CD163L1: variants seen among roughly 807,000 people sequenced by gnomAD.
The protein encoded by CD163L1 is CD163 molecule like 1.
Under a neutral mutation model 165.4 loss-of-function variants are expected in CD163L1, and 124 were observed. That is an observed-to-expected ratio of 0.75 (90% CI 0.65 to 0.87). The LOEUF is 0.87. CD163L1 is among the 40% of genes least tolerant of loss of function. The pLI is 0.00. For missense variants in CD163L1, 1,525 were observed against 1,799.9 expected (o/e 0.85, Z 2.76); for synonymous variants, 585 against 662.2 (o/e 0.88, Z 1.79).
At chr12:7,388,497 T>G (rs1314089789) in intron 8 of CD163L1, among the ~76,000 whole-genome samples, 1 of 151,860 alleles carries the variant, frequency 6.6e-6, no homozygotes. Flanking sequence ...AATCCCAGCA[T>G]TTTGGGAGGC....
rs374425424 is a variant in CD163L1, at chr12:7,398,317, C to A, written c.1676G>T (p.Gly559Val). 8.0e-5 allele frequency: 129 copies of A among 1,614,056 alleles called. No individual in the cohort carries two copies. The highest frequency in any genetic ancestry group is 1.6e-4 in the Middle Eastern group (1 of 6,084). The change falls in exon 7 of 20, where the codon GGA (glycine) becomes GTA (valine). Residue 559 changes from glycine to valine, a missense_variant. Transcript: ENST00000313599. This position sits in a 1 kb window ranked among gnomAD's most constrained non-coding sequence, Gnocchi z 4.5. ...ESNIWDCEHSGWGKHNCVHRE... is the reference protein window; with the variant it reads ...ESNIWDCEHSVWGKHNCVHRE... The stretch of plus-strand genomic sequence containing the variant: ...GTGTACACAATTATGCTTTCCCCAT[C>A]CACTGTGTTCACAGTCCCAGATATT...
chr12:7,336,669 A>T, the CD163L1 span, among the ~76,000 whole-genome samples: 1 of 152,146 alleles, frequency 6.6e-6, no homozygotes, highest in Non-Finnish European at 1.5e-5. Flanking sequence ...AATAATAATT[A>T]AAAAAGAAAA....
chr12:7,389,387 T>C (rs1289504186), intron 8 of CD163L1, among the ~76,000 whole-genome samples: 1 of 152,166 alleles, frequency 6.6e-6, no homozygotes, highest in Non-Finnish European at 1.5e-5. Context: ...ATGCCTATTA[T>C]GTTAAGTGAA....
chr12:7,376,615 C>G (rs1258262065), intron 9 of CD163L1, among the ~76,000 whole-genome samples: 1 of 152,216 alleles, frequency 6.6e-6, no homozygotes, highest in African/African-American at 2.4e-5. Context: ...TTTCAAACAT[C>G]TATCTAAGGC....
chr12:7,413,302 G>C (rs1948174690), intron 4 of CD163L1, among the ~76,000 whole-genome samples: 1 of 152,020 alleles, frequency 6.6e-6, no homozygotes, highest in Non-Finnish European at 1.5e-5. Flanking sequence ...GGCTTTCCTA[G>C]CCTTATGGAA....
At chr12:7,371,744 A>G (rs1169389754) in intron 14 of CD163L1, among the ~76,000 whole-genome samples, 1 of 152,072 alleles carries the variant, frequency 6.6e-6, no homozygotes, top group East Asian at 1.9e-4. Context: ...GGCCAATGAC[A>G]GGGATTTGGT....
chr12:7,377,754 T>G (rs1007193316), intron 9 of CD163L1, among the ~76,000 whole-genome samples: 2 of 152,230 alleles, frequency 1.3e-5, no homozygotes, highest in Non-Finnish European at 2.9e-5. Flanking sequence ...TTTAGCGATG[T>G]GACATTCTGC....
intron 4 of CD163L1, among the ~76,000 whole-genome samples, chr12:7,421,456 C>G (rs1381885985): frequency 1.0e-5 from 1 of 100,236 alleles, no homozygotes; most frequent in Non-Finnish European, 1.9e-5. Context: ...CATATATGTA[C>G]ATATATACAT....
chr12:7,394,256 T>A (rs1947725091), intron 8 of CD163L1, among the ~76,000 whole-genome samples: 1 of 151,752 alleles, frequency 6.6e-6, no homozygotes, highest in Non-Finnish European at 1.5e-5. Flanking sequence ...TATAGACAAA[T>A]GGAACAGAAC....
chr12:7,344,325 C>T (rs1272430940), downstream of CD163L1, among the ~76,000 whole-genome samples: 31 of 152,264 alleles, frequency 2.0e-4, no homozygotes, highest in Non-Finnish European at 2.1e-4. Flanking sequence ...CAACTACATG[C>T]AATCTGCCTG....
At chr12:7,332,040 A>G in the CD163L1 span, among the ~76,000 whole-genome samples, 1 of 152,308 alleles carries the variant, frequency 6.6e-6, no homozygotes, top group East Asian at 1.9e-4. Context: ...CTTGAAAAAA[A>G]ATTAGATGAA....
At chr12:7,420,094 C>G (rs1284670450) in intron 4 of CD163L1, among the ~76,000 whole-genome samples, 3 of 151,852 alleles carry the variant, frequency 2.0e-5, no homozygotes, top group Non-Finnish European at 4.4e-5. Flanking sequence ...TAAACAAAAA[C>G]ATAAAGTGGG....
intron 18 of CD163L1, among the ~76,000 whole-genome samples, chr12:7,359,336 T>A (rs1305057106): frequency 6.6e-6 from 1 of 151,068 alleles, no homozygotes; most frequent in Non-Finnish European, 1.5e-5. Context: ...CTGCAGAAAA[T>A]CAAAGACAAA....
At chr12:7,415,974 G>A (rs1948230478) in intron 4 of CD163L1, among the ~76,000 whole-genome samples, 1 of 152,004 alleles carries the variant, frequency 6.6e-6, no homozygotes, top group Admixed American at 6.6e-5. Context: ...TGGTATTTAT[G>A]GTTCTAGATC....
intron 8 of CD163L1, among the ~76,000 whole-genome samples, chr12:7,394,667 T>C (rs1947734873): frequency 6.6e-6 from 1 of 151,996 alleles, no homozygotes; most frequent in African/African-American, 2.4e-5. Context: ...ACCTACAGAA[T>C]GGGAGAAAAT....
chr12:7,442,375 G>T (rs764695172), intron 1 of CD163L1, among the ~76,000 whole-genome samples: 1 of 152,188 alleles, frequency 6.6e-6, no homozygotes, highest in Non-Finnish European at 1.5e-5. Context: ...GAGACAGAAG[G>T]CGCAACCTGC....
In CD163L1 at chr12:7,403,644, T is replaced by C. The variant is rs747881022; in HGVS notation, c.1299A>G (p.Ile433Met). ...KPSNEARDIW[I>M]NSISCTGNES... ...CATTCCCAGTGCAAGATATGCTGTT[T>C]ATCCAAATGTCTCTAGCTTCATTAC... is the stretch of plus-strand genomic sequence containing the variant. The change falls in exon 6 of 20, where the codon ATA becomes ATG. Residue 433 changes from isoleucine (I) to methionine (M), a missense_variant. Coordinates refer to ENST00000313599, the MANE Select transcript of CD163L1 (RefSeq NM_174941.6). The C allele has an allele frequency of 1.2e-6, 2 of 1,614,088 alleles. No homozygotes were observed. The highest frequency in any genetic ancestry group is 2.7e-5 in the African/African-American group (2 of 75,040).
chr12:7,353,276 T>G (rs892358901), downstream of CD163L1, among the ~76,000 whole-genome samples: 4 of 151,952 alleles, frequency 2.6e-5, no homozygotes, highest in East Asian at 7.7e-4. Context: ...TCTTAAGAAC[T>G]TGGAAAAAAA....
chr12:7,440,491 A>G (rs1948815698), intron 2 of CD163L1, among the ~76,000 whole-genome samples: 1 of 151,892 alleles, frequency 6.6e-6, no homozygotes, highest in Non-Finnish European at 1.5e-5. Flanking sequence ...TAACACATAT[A>G]TATTTTTAAT....
Sources: gnomAD v4.1 joint callset for allele counts (sites outside exome capture counted in the v4.1 genomes callset) on GRCh38, gnomAD v4.1.1 for gene constraint, Gnocchi (gnomAD v3.1) non-coding constraint, MANE v1.5 for transcripts, NCBI Gene and HGNC (gene_info 2026-07-23, HGNC 2026-07-21) for gene names.